Variants in OR7C1 observed in about 807,000 individuals in gnomAD.
OR7C1 encodes olfactory receptor family 7 subfamily C member 1.
For missense variants in OR7C1, 324 were observed against 383.3 expected (o/e 0.85, Z 1.29); for synonymous variants, 152 against 160.7 (o/e 0.95, Z 0.41).
chr19:14,809,803 T>TA lies in OR7C1; in HGVS notation c.-435+2dup, dbSNP rs1200731128. On this transcript the variant is annotated splice_region_variant and intron_variant, in intron 2 of 4. Coordinates refer to ENST00000641666, the Ensembl canonical transcript of OR7C1. ...CTCCACAAAACTTTCCCACAGTACTTACGGGTTTACTCTGGCTTCTCTTGA... is the reference window on the plus strand; with the variant it reads ...CTCCACAAAACTTTCCCACAGTACTTAACGGGTTTACTCTGGCTTCTCTTGA... 1 of 152,152 alleles carries TA rather than the reference T, an allele frequency of 6.6e-6. No individual in the cohort carries two copies. Among genetic ancestry groups the TA allele is most frequent in the African/African-American group, 2.4e-5 (1 of 41,204 alleles). 9.4% of individuals were successfully genotyped at this position (152,152 alleles called of 1,614,324 possible).
chr19:14,803,449 C>G (rs2044651887), intron 2 of OR7C1, among the ~76,000 whole-genome samples: 1 of 151,940 alleles, frequency 6.6e-6, no homozygotes, highest in Admixed American at 6.6e-5. Flanking sequence ...CTTCTCCTTA[C>G]TGTACACGTG....
At chr19:14,813,051 C>A (rs570476521) in intron 1 of OR7C1, among the ~76,000 whole-genome samples, 1 of 140,528 alleles carries the variant, frequency 7.1e-6, no homozygotes. Context: ...CCAGCTTGGG[C>A]GACACAGCAA....
At chr19:14,819,925 G>A (rs905433447) in intron 1 of OR7C1, among the ~76,000 whole-genome samples, 1 of 151,694 alleles carries the variant, frequency 6.6e-6, no homozygotes, top group African/African-American at 2.4e-5. Context: ...TATTTATTTA[G>A]AGATACAGTC....
chr19:14,808,473 A>G (rs1244086446), intron 2 of OR7C1, among the ~76,000 whole-genome samples: 1 of 152,040 alleles, frequency 6.6e-6, no homozygotes, highest in Non-Finnish European at 1.5e-5. Flanking sequence ...GTGCAGCAAC[A>G]TGGATGGAAC....
intron 1 of OR7C1, among the ~76,000 whole-genome samples, chr19:14,811,978 C>T (rs1236387060): frequency 6.6e-6 from 1 of 151,900 alleles, no homozygotes; most frequent in Non-Finnish European, 1.5e-5. Flanking sequence ...AAGTTATTTA[C>T]TACTGTGGAC....
chr19:14,806,026 TCTAA>T (rs2044665003), intron 2 of OR7C1, among the ~76,000 whole-genome samples: 1 of 151,946 alleles, frequency 6.6e-6, no homozygotes, highest in African/African-American at 2.4e-5. Flanking sequence ...AAAATTGTCC[TCTAA>T]CTATGATGGT....
intron 2 of OR7C1, among the ~76,000 whole-genome samples, chr19:14,809,025 T>A (rs184467566): frequency 3.9e-5 from 6 of 152,174 alleles, no homozygotes; most frequent in Admixed American, 2.6e-4. Flanking sequence ...GTAGGTTTCT[T>A]GAAATTCTTT....
At chr19:14,829,360 C>T (rs1029393341) in intron 1 of OR7C1, among the ~76,000 whole-genome samples, 1 of 152,172 alleles carries the variant, frequency 6.6e-6, no homozygotes, top group East Asian at 1.9e-4. Flanking sequence ...TGCACCACCA[C>T]GCCCAGCTAA....
At chr19:14,827,383 G>A (rs1389129365) in intron 1 of OR7C1, 4 of 1,613,574 alleles carry the variant, frequency 2.5e-6, no homozygotes, top group Non-Finnish European at 1.7e-6. Context: ...TAGATAAAGG[G>A]GTTCAGCATG....
At chr19:14,798,648 T>C (rs1265054458) in exon 5 of OR7C1, 1 of 152,636 alleles carries the variant, frequency 6.6e-6, no homozygotes, top group African/African-American at 2.4e-5. Context: ...TGAGGAGGTG[T>C]TGTCTGATTT....
intron 1 of OR7C1, among the ~76,000 whole-genome samples, chr19:14,828,877 G>A (rs1157542912): frequency 1.3e-5 from 2 of 150,564 alleles, no homozygotes; most frequent in Admixed American, 1.3e-4. Context: ...GAACAATGCT[G>A]AGAAACAAAA....
At chr19:14,817,652 G>A (rs1211420415) in intron 1 of OR7C1, among the ~76,000 whole-genome samples, 1 of 152,202 alleles carries the variant, frequency 6.6e-6, no homozygotes, top group Non-Finnish European at 1.5e-5. Flanking sequence ...TCCAACTTAG[G>A]CCAGCGCCAA....
At chr19:14,816,219 TAAAG>T (rs947075236) in intron 1 of OR7C1, among the ~76,000 whole-genome samples, 1 of 152,098 alleles carries the variant, frequency 6.6e-6, no homozygotes, top group East Asian at 1.9e-4. Flanking sequence ...TTTAAAAAGT[TAAAG>T]AAAGGAGTGA....
intron 1 of OR7C1, among the ~76,000 whole-genome samples, chr19:14,829,391 C>T (rs369402446): frequency 3.2e-4 from 48 of 152,192 alleles, no homozygotes; most frequent in East Asian, 1.5e-3. Context: ...TTAGTAGAGA[C>T]GGGGTTTCTC....
intron 2 of OR7C1, among the ~76,000 whole-genome samples, chr19:14,805,226 CA>C (rs1226378379): frequency 1.3e-5 from 2 of 149,202 alleles, no homozygotes; most frequent in Admixed American, 1.3e-4. Context: ...CTCCTGCCTG[CA>C]AAAAAAAATC....
At chr19:14,831,858 T>C (rs2044836491) in intron 1 of OR7C1, among the ~76,000 whole-genome samples, 1 of 152,198 alleles carries the variant, frequency 6.6e-6, no homozygotes, top group Admixed American at 6.5e-5. Context: ...CAGACCATAT[T>C]ACATATTAAA....
At chr19:14,810,817 G>A (rs12974591) in intron 1 of OR7C1, among the ~76,000 whole-genome samples, 17,524 of 151,846 alleles carry the variant, frequency 0.12, 1,215 homozygotes, top group Non-Finnish European at 0.15. Flanking sequence ...CAGAGTTAGC[G>A]TTTTCTTGTC....
At chr19:14,813,292 C>T (rs2044699790) in intron 1 of OR7C1, among the ~76,000 whole-genome samples, 2 of 151,916 alleles carry the variant, frequency 1.3e-5, no homozygotes. Flanking sequence ...CAGTGGCTCA[C>T]ACCTGTAATC....
chr19:14,833,779 T>TTTTAAGAAATA (rs1445509275), intron 1 of OR7C1, among the ~76,000 whole-genome samples: 1 of 150,152 alleles, frequency 6.7e-6, no homozygotes, highest in Non-Finnish European at 1.5e-5. Flanking sequence ...GTCAGTAATA[T>TTTTAAGAAATA]TTTAAGAAAA....
Sources: gnomAD v4.1 joint callset for allele counts (sites outside exome capture counted in the v4.1 genomes callset) on GRCh38, gnomAD v4.1.1 for gene constraint, MANE v1.5 for transcripts, NCBI Gene and HGNC (gene_info 2026-07-23, HGNC 2026-07-21) for gene names.